EIF4G3: variants seen among roughly 807,000 people sequenced by gnomAD.
EIF4G3 encodes the protein eukaryotic translation initiation factor 4 gamma 3.
EIF4G3 carries 34 observed loss-of-function variants against 186.4 expected under a neutral mutation model. The ratio of observed to expected loss-of-function variants is 0.18; its 90% CI spans 0.14 to 0.24. The LOEUF (loss-of-function observed/expected upper bound fraction) is 0.24, where lower values mean the gene tolerates loss of function less well. EIF4G3 is among the 10% of genes least tolerant of loss of function. EIF4G3 has a pLI of 1.00. For synonymous variants in EIF4G3, 673 were observed against 679.5 expected (o/e 0.99, Z 0.15); for missense variants, 1,536 against 1,948.5 (o/e 0.79, Z 3.99).
intron 3 of EIF4G3, among the ~76,000 whole-genome samples, chr1:21,079,571 C>T (rs2095698701): frequency 6.7e-6 from 1 of 149,860 alleles, no homozygotes; most frequent in Admixed American, 6.7e-5. Flanking sequence ...GTAGTCCTGG[C>T]TACTTGGGAG....
chr1:20,955,994 T>C (rs1013698978), intron 12 of EIF4G3, among the ~76,000 whole-genome samples: 2 of 152,130 alleles, frequency 1.3e-5, no homozygotes, highest in Non-Finnish European at 2.9e-5. Context: ...TAATAATATA[T>C]GACATGCCAT....
intron 14 of EIF4G3, among the ~76,000 whole-genome samples, chr1:20,906,606 A>G (rs1303820717): frequency 6.6e-6 from 1 of 152,158 alleles, no homozygotes; most frequent in Non-Finnish European, 1.5e-5. Context: ...CAACCCCAAA[A>G]CATGAAACAA....
chr1:21,159,330 C>G (rs1048966225), intron 2 of EIF4G3, among the ~76,000 whole-genome samples: 7 of 151,572 alleles, frequency 4.6e-5, no homozygotes, highest in African/African-American at 1.7e-4. Context: ...GTCCCAGCTA[C>G]TTAGGAGGCT....
intron 12 of EIF4G3, among the ~76,000 whole-genome samples, chr1:20,955,452 C>T (rs918447114): frequency 5.3e-5 from 8 of 151,994 alleles, no homozygotes; most frequent in African/African-American, 1.9e-4. Context: ...CTGGGCTAGT[C>T]TTGAACTCCT....
intron 4 of EIF4G3, chr1:21,003,870 G>GTA: frequency 3.5e-6 from 1 of 288,434 alleles, no homozygotes; most frequent in Non-Finnish European, 6.6e-6. Flanking sequence ...GACTCTGGTG[G>GTA]TTACCTCTCT....
At chr1:20,871,772 G>A (rs3890762) in intron 20 of EIF4G3, among the ~76,000 whole-genome samples, 78,570 of 151,900 alleles carry the variant, frequency 0.52, 21,100 homozygotes, top group East Asian at 0.83. Context: ...ACACTGGCCC[G>A]TGGACATGTC....
intron 30 of EIF4G3, among the ~76,000 whole-genome samples, chr1:20,834,380 G>T (rs181401208): frequency 6.6e-6 from 1 of 152,180 alleles, no homozygotes. Flanking sequence ...AGAGGTTGCA[G>T]TGAGCCTTGA....
At chr1:20,880,194 G>T (rs1403230188) in intron 19 of EIF4G3, among the ~76,000 whole-genome samples, 1 of 152,002 alleles carries the variant, frequency 6.6e-6, no homozygotes, top group Non-Finnish European at 1.5e-5. Flanking sequence ...CCTAATCAAT[G>T]AAATAAAGCA....
rs75231688 is a variant in EIF4G3, at chr1:20,932,128, G to A, written c.1663+9363C>T. The stretch of plus-strand genomic sequence containing the variant: ...TGCTGCTTCTACCTTGCACTTTTAC[G>A]TTATGATGACATCTTTCCTCAATCT... On this transcript the variant is annotated intron_variant, in intron 14 of 36. Coordinates refer to ENST00000602326, the MANE Select transcript of EIF4G3 (RefSeq NM_001391906.1). 5.8e-4 allele frequency among the ~76,000 whole-genome samples: 89 copies of A among 152,180 alleles called. 2 individuals carry two copies. In the East Asian group the frequency reaches 0.015, roughly 26 times the overall value.
intron 18 of EIF4G3, among the ~76,000 whole-genome samples, chr1:20,889,442 T>A (rs2085246671): frequency 6.6e-6 from 1 of 152,182 alleles, no homozygotes; most frequent in African/African-American, 2.4e-5. Context: ...TTTTTTGGAG[T>A]GCTTTCTGTG....
At position 21,029,929 on chromosome 1, in the gene EIF4G3, G is replaced by A. The variant is rs2092583125; in HGVS notation, c.-67+20937C>T. Among the ~76,000 whole-genome samples the A allele has an allele frequency of 2.0e-5, 3 of 152,098 alleles. No homozygotes were observed. In the South Asian group the frequency reaches 6.2e-4, roughly 32 times the overall value. On this transcript the variant is annotated intron_variant, in intron 4 of 36. Transcript: ENST00000602326. ...TGGAGCACAGTGGCACAATCATGCT[G>A]CAGTGAGCCATGAACTCCTGGGCTC...
At chr1:20,872,713 CTTTTTTTTTT>C (rs386366427) in intron 20 of EIF4G3, among the ~76,000 whole-genome samples, 2 of 81,836 alleles carry the variant, frequency 2.4e-5, no homozygotes, top group Non-Finnish European at 5.1e-5. Context: ...ACTTTCTTGC[CTTTTTTTTTT>C]TTTTTTTTTT....
At chr1:20,943,970 T>TGTGTG (rs2095822521) in intron 13 of EIF4G3, among the ~76,000 whole-genome samples, 4 of 80,388 alleles carry the variant, frequency 5.0e-5, no homozygotes, top group East Asian at 4.4e-4. Flanking sequence ...TGTCTTTATT[T>TGTGTG]TTTTTGTGTG....
intron 30 of EIF4G3, 146 bp from the exon 31 acceptor site, chr1:20,829,418 A>G (rs1470705146): frequency 6.9e-6 from 6 of 864,466 alleles, no homozygotes; most frequent in Non-Finnish European, 9.0e-6. Context: ...TGGTAAATAC[A>G]TTACCATTCT....
At chr1:20,853,120 AATCCTAG>A (rs1285585590) in intron 27 of EIF4G3, among the ~76,000 whole-genome samples, 4 of 152,248 alleles carry the variant, frequency 2.6e-5, no homozygotes, top group Non-Finnish European at 4.4e-5. Flanking sequence ...TGACTGTATC[AATCCTAG>A]AAAAGCAAAA....
intron 12 of EIF4G3, among the ~76,000 whole-genome samples, chr1:20,968,154 T>C (rs1024034496): frequency 6.6e-5 from 10 of 151,828 alleles, no homozygotes; most frequent in Non-Finnish European, 8.8e-5. Flanking sequence ...CAAAGTGACA[T>C]AGGAGGAATG....
intron 10 of EIF4G3, among the ~76,000 whole-genome samples, chr1:20,976,283 G>T (rs1003919536): frequency 6.6e-6 from 1 of 151,754 alleles, no homozygotes; most frequent in Non-Finnish European, 1.5e-5. Context: ...CCATCAACTC[G>T]TCATTTAACA....
At chr1:21,097,325 C>T (rs950887396) in intron 2 of EIF4G3, among the ~76,000 whole-genome samples, 8 of 152,078 alleles carry the variant, frequency 5.3e-5, no homozygotes, top group Non-Finnish European at 1.0e-4. Flanking sequence ...CAGTAGGTAT[C>T]CCTAGGAAAA....
intron 31 of EIF4G3, 34 bp from the exon 32 acceptor site, chr1:20,827,732 T>G: frequency 5.2e-5 from 73 of 1,411,644 alleles, no homozygotes; most frequent in Non-Finnish European, 6.5e-5. Flanking sequence ...TAAGTATCTC[T>G]AAAGAAATCC....
Sources: gnomAD v4.1 joint callset for allele counts (sites outside exome capture counted in the v4.1 genomes callset) on GRCh38, gnomAD v4.1.1 for gene constraint, MANE v1.5 for transcripts, NCBI Gene and HGNC (gene_info 2026-07-23, HGNC 2026-07-21) for gene names.